IRAK3: variants seen among roughly 807,000 people sequenced by gnomAD.
IRAK3 encodes the protein interleukin 1 receptor associated kinase 3.
In IRAK3, 57 loss-of-function variants were observed where a neutral mutation model predicts 56.6. The observed-to-expected ratio is 1.01, with a 90% confidence interval of 0.81 to 1.26. The LOEUF (loss-of-function observed/expected upper bound fraction) is 1.26, where lower values mean the gene tolerates loss of function less well. IRAK3 is among the 50% of genes most tolerant of loss of function. IRAK3 has a pLI of 0.00. For synonymous variants in IRAK3, 258 were observed against 255.7 expected (o/e 1.01, Z -0.09); for missense variants, 703 against 719.0 (o/e 0.98, Z 0.25).
chr12:66,228,483 T>C (rs2052811810), intron 8 of IRAK3, 113 bp downstream of exon 8: 4 of 793,836 alleles, frequency 5.0e-6, no homozygotes, highest in Admixed American at 1.8e-5. Flanking sequence ...TGTGTGTGTG[T>C]TAAGAATTCT....
Position 66,217,638 on chromosome 12 carries a change from G to A in IRAK3, c.653+403G>A, listed in dbSNP as rs570084451. Among the ~76,000 whole-genome samples the A allele has an allele frequency of 3.3e-3, 504 of 152,242 alleles. 4 individuals are homozygous for A. The highest frequency in any genetic ancestry group is 5.5e-3 in the Non-Finnish European group (375 of 67,984). ...TTAGACAAAGAAATCAAGCGCTTTT[G>A]ATGTGCATATTATTTTTCTGGAATT... On this transcript the variant is annotated intron_variant, in intron 6 of 11. Transcript: ENST00000261233.
rs748884885 is a variant in IRAK3, at chr12:66,248,568, C to A, written c.*397C>A. On this transcript the variant is annotated 3_prime_UTR_variant, in exon 12 of 12. Transcript: ENST00000261233. Reference sequence around the variant, plus strand: ...CCAAGAACATTCAGTTGGATTCCATCGTTTGGTTTAGCTTGCTTGCACGGG... The same window carrying A: ...CCAAGAACATTCAGTTGGATTCCATAGTTTGGTTTAGCTTGCTTGCACGGG... 6 of 160,946 alleles carry A rather than the reference C, an allele frequency of 3.7e-5. No homozygotes were observed. Among genetic ancestry groups the A allele is most frequent in the South Asian group, 1.8e-4 (1 of 5,454 alleles). 10.0% of individuals were successfully genotyped at this position (160,946 alleles called of 1,614,324 possible). A position where few individuals can be genotyped will look rare whatever the true frequency, so the allele number is the denominator to read the frequency against.
intron 8 of IRAK3, among the ~76,000 whole-genome samples, chr12:66,237,671 T>C (rs1403946601): frequency 1.3e-5 from 2 of 152,204 alleles, no homozygotes; most frequent in African/African-American, 2.4e-5. Flanking sequence ...CAGGATTCTA[T>C]AGCAGTGATG....
intron 8 of IRAK3, chr12:66,235,284 T>C (rs2052893049): frequency 6.8e-7 from 1 of 1,479,766 alleles, no homozygotes; most frequent in African/African-American, 1.4e-5. Context: ...CTGGGGAAGA[T>C]CATCGCTGCG....
chr12:66,202,660 C>T (rs1204957487), intron 1 of IRAK3, among the ~76,000 whole-genome samples: 1 of 151,758 alleles, frequency 6.6e-6, no homozygotes, highest in African/African-American at 2.4e-5. Context: ...ATGTGCTGGG[C>T]ATGGTGGTGC....
At chr12:66,192,781 G>T (rs2052411446) in intron 1 of IRAK3, among the ~76,000 whole-genome samples, 1 of 151,982 alleles carries the variant, frequency 6.6e-6, no homozygotes, top group Non-Finnish European at 1.5e-5. Context: ...ATTTTACATG[G>T]ATTATCTCAT....
In IRAK3 at chr12:66,234,754, A is replaced by G; in HGVS notation, c.887+6384A>G. The G allele has an allele frequency of 2.5e-6, 4 of 1,593,566 alleles. No individual in the cohort carries two copies. The Admixed American group carries it at 5.0e-5, about 20-fold the overall frequency. ...CCGTCCTAGCAAAGCCAACACCACG[A>G]CTTGTACCACTGGCATCACGTAGTA... On this transcript the variant is annotated intron_variant, in intron 8 of 11. Transcript: ENST00000261233.
chr12:66,228,873 C>T (rs1329972342), intron 8 of IRAK3, among the ~76,000 whole-genome samples: 1 of 152,104 alleles, frequency 6.6e-6, no homozygotes, highest in Non-Finnish European at 1.5e-5. Flanking sequence ...TTGTCCTGAG[C>T]ACATTTAACA....
intron 8 of IRAK3, among the ~76,000 whole-genome samples, chr12:66,228,919 G>A (rs192273919): frequency 4.2e-4 from 64 of 152,262 alleles, no homozygotes; most frequent in African/African-American, 1.4e-3. Flanking sequence ...GGTAGGTTAG[G>A]TGTATTAAAT....
At chr12:66,235,857 C>T (rs1000177646) in intron 8 of IRAK3, among the ~76,000 whole-genome samples, 2 of 151,884 alleles carry the variant, frequency 1.3e-5, no homozygotes, top group Non-Finnish European at 2.9e-5. Context: ...TATTTTTTTA[C>T]TTCTTTATGT....
At chr12:66,247,522 C>T (rs1164262241) in intron 11 of IRAK3, among the ~76,000 whole-genome samples, 173 bp from the exon 12 acceptor site, 2 of 152,154 alleles carry the variant, frequency 1.3e-5, no homozygotes, top group South Asian at 2.1e-4. Context: ...ACTTAATTTA[C>T]TCCTCAAAAT....
At chr12:66,213,612 T>C (rs1380343476) in intron 5 of IRAK3, among the ~76,000 whole-genome samples, 1 of 152,012 alleles carries the variant, frequency 6.6e-6, no homozygotes, top group Non-Finnish European at 1.5e-5. Flanking sequence ...TAGTGTAAAC[T>C]ACGGTAATAA....
At chr12:66,237,385 A>G (rs950762811) in intron 8 of IRAK3, among the ~76,000 whole-genome samples, 6 of 152,118 alleles carry the variant, frequency 3.9e-5, no homozygotes, top group Non-Finnish European at 8.8e-5. Context: ...TTTTCTGTGG[A>G]GCTAAAATCC....
At chr12:66,201,290 A>G (rs957803692) in intron 1 of IRAK3, among the ~76,000 whole-genome samples, 7 of 152,202 alleles carry the variant, frequency 4.6e-5, no homozygotes, top group African/African-American at 1.7e-4. Flanking sequence ...GCTTCCACAT[A>G]TTGGTGTGTG....
At position 66,252,868 on chromosome 12, in the gene IRAK3, C is replaced by A. The variant is rs1043391392; in HGVS notation, c.*4697C>A. On this transcript the variant is annotated 3_prime_UTR_variant, in exon 12 of 12. Transcript: ENST00000261233. ...GCTGGCAATTGTGACAGATTCTATT[C>A]TTCTATTGGTATGTGGTTTCTTTGG... 3 of 152,190 alleles carry A rather than the reference C, an allele frequency of 2.0e-5. No individual in the cohort carries two copies. The highest frequency in any genetic ancestry group is 7.2e-5 in the African/African-American group (3 of 41,420). The allele number at this position is 152,190 out of a possible 1,614,324, so 9.4% of individuals were successfully genotyped here. A position where few individuals can be genotyped will look rare whatever the true frequency, so the allele number is the denominator to read the frequency against.
rs1341245532 is a variant in IRAK3, at chr12:66,189,237, G to T, written c.-63G>T. On this transcript the variant is annotated 5_prime_UTR_variant, in exon 1 of 12. Transcript: ENST00000261233. The stretch of plus-strand genomic sequence containing the variant: ...GCAGGATTTCCGCGGTTGTGTAACG[G>T]CCTGTCGCAGGCGTGCAGGGACCTG... 3 of 1,525,140 alleles carry T rather than the reference G, an allele frequency of 2.0e-6. No homozygotes were observed. Among genetic ancestry groups the T allele is most frequent in the Non-Finnish European group, 1.8e-6 (2 of 1,139,730 alleles). 94.5% of individuals were successfully genotyped at this position (1,525,140 alleles called of 1,614,324 possible).
chr12:66,224,641 C>T (rs890111736), intron 6 of IRAK3, among the ~76,000 whole-genome samples: 2 of 152,134 alleles, frequency 1.3e-5, no homozygotes, highest in African/African-American at 2.4e-5. Context: ...TTTTGTGGAC[C>T]TGGCTTTTGG....
At chr12:66,203,568 C>T (rs1315013542) in intron 1 of IRAK3, 143 bp from the exon 2 acceptor site, 5 of 776,420 alleles carry the variant, frequency 6.4e-6, no homozygotes, top group South Asian at 3.1e-5. Context: ...TGAATATATT[C>T]CAAATTAGTT....
chr12:66,228,552 A>G (rs1340286961), intron 8 of IRAK3, among the ~76,000 whole-genome samples, 182 bp downstream of exon 8: 2 of 152,220 alleles, frequency 1.3e-5, no homozygotes, highest in African/African-American at 2.4e-5. Flanking sequence ...ACCAAATTTA[A>G]AAAGCTATAT....
Sources: gnomAD v4.1 joint callset for allele counts (sites outside exome capture counted in the v4.1 genomes callset) on GRCh38, gnomAD v4.1.1 for gene constraint, MANE v1.5 for transcripts, NCBI Gene and HGNC (gene_info 2026-07-23, HGNC 2026-07-21) for gene names.